The following PDE4D variants were observed in gnomAD, a reference collection of about 807,000 sequenced individuals.
The protein encoded by PDE4D is phosphodiesterase 4D, also known as 3',5'-cyclic-AMP phosphodiesterase 4D.
In PDE4D, 24 loss-of-function variants were observed where a neutral mutation model predicts 87.4. The ratio of observed to expected loss-of-function variants is 0.27; its 90% CI spans 0.20 to 0.39. The LOEUF is 0.39. Ranked by LOEUF, PDE4D falls within the 10% of genes least tolerant of loss-of-function variation. The pLI is 1.00. For synonymous variants in PDE4D, 384 were observed against 383.2 expected, an observed-to-expected ratio of 1.00 and a Z score of -0.02; for missense variants, 714 against 1,041.0, an observed-to-expected ratio of 0.69 and a Z score of 4.32.
At chr5:59,757,401 A>G (rs1344830051) in intron 1 of PDE4D, among the ~76,000 whole-genome samples, 1 of 152,244 alleles carries the variant, frequency 6.6e-6, no homozygotes, top group Non-Finnish European at 1.5e-5. Flanking sequence ...ATTTCTGAGA[A>G]GAAAGACAAC....
At chr5:59,808,169 C>T (rs1767952644) in intron 1 of PDE4D, among the ~76,000 whole-genome samples, 1 of 152,208 alleles carries the variant, frequency 6.6e-6, no homozygotes, top group Non-Finnish European at 1.5e-5. Context: ...AAACAGGCTT[C>T]CTGAGCCCCC....
chr5:60,423,908 C>A (rs1743382664), intron 1 of PDE4D, among the ~76,000 whole-genome samples: 1 of 152,138 alleles, frequency 6.6e-6, no homozygotes, highest in African/African-American at 2.4e-5. Context: ...ACTATAAACA[C>A]CTCTACACAA....
chr5:59,305,548 T>C (rs1043487300), intron 1 of PDE4D, among the ~76,000 whole-genome samples: 1 of 152,144 alleles, frequency 6.6e-6, no homozygotes, highest in Non-Finnish European at 1.5e-5. Context: ...GGCTATGAAC[T>C]TTCCTCTTAG....
At chr5:59,721,084 C>G (rs1755757734) in intron 1 of PDE4D, among the ~76,000 whole-genome samples, 1 of 152,112 alleles carries the variant, frequency 6.6e-6, no homozygotes, top group Admixed American at 6.6e-5. Context: ...GGGAGTAACA[C>G]TTTCAGATTT....
At chr5:59,537,857 T>G (rs929862641) in intron 1 of PDE4D, among the ~76,000 whole-genome samples, 6 of 152,194 alleles carry the variant, frequency 3.9e-5, no homozygotes, top group African/African-American at 1.4e-4. Flanking sequence ...TGGGAACTCT[T>G]ATTTTATCCT....
At chr5:59,897,721 A>G (rs1040465296), upstream of PDE4D, among the ~76,000 whole-genome samples, 3 of 151,564 alleles carry the variant, frequency 2.0e-5, no homozygotes, top group African/African-American at 7.3e-5. Context: ...CATACATTCT[A>G]TGTATACTTG....
At chr5:59,711,775 G>C (rs1196593087) in intron 1 of PDE4D, among the ~76,000 whole-genome samples, 1 of 151,882 alleles carries the variant, frequency 6.6e-6, no homozygotes, top group Non-Finnish European at 1.5e-5. Flanking sequence ...ATTACTTCTT[G>C]TTGACATCTC....
At chr5:59,313,437 C>G (rs189024135) in intron 1 of PDE4D, among the ~76,000 whole-genome samples, 1 of 152,172 alleles carries the variant, frequency 6.6e-6, no homozygotes, top group African/African-American at 2.4e-5. Flanking sequence ...TGATATTTCC[C>G]CCTAATATCC....
At chr5:60,069,567 C>T (rs1457695736) in intron 2 of PDE4D, among the ~76,000 whole-genome samples, 1 of 151,922 alleles carries the variant, frequency 6.6e-6, no homozygotes, top group African/African-American at 2.4e-5. Flanking sequence ...ATGCCAGTAT[C>T]ATATTGTTTT....
At chr5:60,056,639 T>G (rs917701351) in intron 2 of PDE4D, among the ~76,000 whole-genome samples, 1 of 152,044 alleles carries the variant, frequency 6.6e-6, no homozygotes, top group East Asian at 1.9e-4. Flanking sequence ...CAAAGGGAAG[T>G]CAAGAGGCCC....
At chr5:60,054,607 C>T (rs1241031486) in intron 2 of PDE4D, among the ~76,000 whole-genome samples, 1 of 151,970 alleles carries the variant, frequency 6.6e-6, no homozygotes, top group African/African-American at 2.4e-5. Context: ...TGTGGCAAAC[C>T]ACCAAGGTAT....
rs767287011 is a variant in PDE4D at position 59,243,448 on chromosome 5, C to CTTTTTT, written c.456-27486_456-27481dup. On this transcript the variant is annotated intron_variant, in intron 1 of 14. Transcript: ENST00000340635. ...TCACTATACAATTTCTTAAAATAAC[C>CTTTTTT]TTTTTTTTTTTTTTTTTTTTTTTTT... Among the ~76,000 whole-genome samples the CTTTTTT allele has an allele frequency of 2.4e-4, 17 of 72,282 alleles. 1 individual carries two copies. The highest frequency in any genetic ancestry group is 6.9e-4 in the African/African-American group (11 of 16,028). The allele number at this position is 72,282 out of a possible 152,430, so 47.4% of individuals were successfully genotyped here. A position where few individuals can be genotyped will look rare whatever the true frequency, so the allele number is the denominator to read the frequency against.
chr5:60,213,496 G>A (rs1743491478), intron 1 of PDE4D, among the ~76,000 whole-genome samples: 1 of 152,172 alleles, frequency 6.6e-6, no homozygotes, highest in Non-Finnish European at 1.5e-5. Flanking sequence ...GGATGGTCTT[G>A]TTCTGGGAGT....
intron 5 of PDE4D, among the ~76,000 whole-genome samples, chr5:59,124,966 ATTTCTTTTCT>A (rs545915399): frequency 2.0e-5 from 3 of 150,946 alleles, no homozygotes; most frequent in East Asian, 3.9e-4. Flanking sequence ...TTCTGGGTAC[ATTTCTTTTCT>A]TTTCTTTTCT....
intron 5 of PDE4D, among the ~76,000 whole-genome samples, chr5:59,093,550 T>C (rs957064049): frequency 1.3e-5 from 2 of 152,196 alleles, no homozygotes; most frequent in Admixed American, 6.5e-5. Context: ...TACCCCCTAA[T>C]CATGACCTTG....
intron 1 of PDE4D, among the ~76,000 whole-genome samples, chr5:59,815,964 C>T (rs17311348): frequency 0.035 from 5,253 of 152,220 alleles, 121 homozygotes; most frequent in Non-Finnish European, 0.048. Flanking sequence ...AAATAACTTT[C>T]GGGATTTAGA....
At chr5:60,422,447 C>T (rs1743208489) in intron 1 of PDE4D, among the ~76,000 whole-genome samples, 1 of 152,094 alleles carries the variant, frequency 6.6e-6, no homozygotes, top group Admixed American at 6.5e-5. Context: ...CCAAACTAAG[C>T]TTTGTAAGTG....
chr5:59,485,638 C>T (rs1333085403), intron 1 of PDE4D, among the ~76,000 whole-genome samples: 1 of 151,846 alleles, frequency 6.6e-6, no homozygotes, highest in Non-Finnish European at 1.5e-5. Context: ...AAGTTATACA[C>T]AATCTTACTG....
At position 59,351,020 on chromosome 5, in the gene PDE4D, T is replaced by C. The variant is rs138822549; in HGVS notation, c.456-135052A>G. Among the ~76,000 whole-genome samples, 4 of 152,310 alleles carry C rather than the reference T, an allele frequency of 2.6e-5. No individual in the cohort carries two copies. In the South Asian group the frequency reaches 6.2e-4, roughly 24 times the overall value. ...TGACCAAGAGTGGTACCAATGATGATAGTTTATCTGAAAATGTATTTCACA... is the reference window on the plus strand; with the variant it reads ...TGACCAAGAGTGGTACCAATGATGACAGTTTATCTGAAAATGTATTTCACA... On this transcript the variant is annotated intron_variant, in intron 1 of 14. Transcript: ENST00000340635.
Sources: gnomAD v4.1 joint callset for allele counts (sites outside exome capture counted in the v4.1 genomes callset) on GRCh38, gnomAD v4.1.1 for gene constraint, MANE v1.5 for transcripts, NCBI Gene and HGNC (gene_info 2026-07-23, HGNC 2026-07-21) for gene names.